Variants in NRG1 observed in about 807,000 individuals in gnomAD.
The protein encoded by NRG1 is neuregulin 1.
In NRG1, 18 loss-of-function variants were observed where a neutral mutation model predicts 63.8. The ratio of observed to expected loss-of-function variants is 0.28; its 90% CI spans 0.19 to 0.42. The LOEUF is 0.42. Among genes scored for constraint, NRG1 ranks in the 10% least tolerant of loss-of-function variants. The pLI is 1.00. For missense variants in NRG1, 762 were observed against 814.7 expected (o/e 0.94, Z 0.79); for synonymous variants, 302 against 301.3 (o/e 1.00, Z -0.02).
intron 4 of NRG1, 115 bp downstream of exon 4, chr8:32,614,679 T>C: frequency 1.1e-6 from 1 of 913,708 alleles, no homozygotes; most frequent in Non-Finnish European, 1.7e-6. Flanking sequence ...CTGCTCTTGT[T>C]TTCTGCTTCA....
intron 1 of NRG1, among the ~76,000 whole-genome samples, chr8:31,959,905 C>T (rs759663578): frequency 1.3e-3 from 197 of 151,620 alleles, no homozygotes; most frequent in African/African-American, 4.6e-3. Flanking sequence ...GTGATCCCTC[C>T]GCCTCAGCCT....
At chr8:31,710,455 T>C (rs926528545) in intron 1 of NRG1, among the ~76,000 whole-genome samples, 23 of 151,978 alleles carry the variant, frequency 1.5e-4, no homozygotes, top group Non-Finnish European at 3.4e-4. Flanking sequence ...TCTATTCTCA[T>C]AGCTTGAGAG....
intron 1 of NRG1, among the ~76,000 whole-genome samples, chr8:32,060,985 T>A (rs1030328279): frequency 5.3e-5 from 8 of 151,934 alleles, no homozygotes; most frequent in Non-Finnish European, 1.2e-4. Flanking sequence ...ATCTTCATCT[T>A]CATCCCAAAA....
chr8:32,601,384 G>A (rs1030555532), intron 2 of NRG1, among the ~76,000 whole-genome samples: 1 of 152,078 alleles, frequency 6.6e-6, no homozygotes, highest in Non-Finnish European at 1.5e-5. Context: ...AATGTGCTTG[G>A]CAGGTGGCTA....
At chr8:31,659,722 G>C (rs1805786559) in intron 1 of NRG1, among the ~76,000 whole-genome samples, 1 of 152,166 alleles carries the variant, frequency 6.6e-6, no homozygotes, top group African/African-American at 2.4e-5. Flanking sequence ...TCAGGGCTTT[G>C]GAAAGATTTC....
chr8:31,705,964 G>A (rs1332499679), intron 1 of NRG1, among the ~76,000 whole-genome samples: 7 of 152,172 alleles, frequency 4.6e-5, no homozygotes, highest in African/African-American at 1.4e-4. Context: ...GTTCACGTAC[G>A]TCTTAGAGGC....
intron 5 of NRG1, among the ~76,000 whole-genome samples, chr8:32,625,676 A>G (rs369982775): frequency 1.5e-4 from 23 of 152,258 alleles, no homozygotes; most frequent in African/African-American, 5.3e-4. Context: ...AGTGACACTT[A>G]AGGTCAAATA....
At chr8:32,548,368 C>A in exon 1 of NRG1, 5 of 1,027,456 alleles carry the variant, frequency 4.9e-6, no homozygotes, top group Non-Finnish European at 5.8e-6. Flanking sequence ...CGGCGGCTGC[C>A]GGACGATGGG....
At chr8:32,106,807 T>G (rs1186926059) in intron 1 of NRG1, among the ~76,000 whole-genome samples, 1 of 152,228 alleles carries the variant, frequency 6.6e-6, no homozygotes. Flanking sequence ...CAAAATCAAA[T>G]TAAGAATACT....
At chr8:32,023,320 A>G (rs1458084893) in intron 1 of NRG1, among the ~76,000 whole-genome samples, 1 of 152,242 alleles carries the variant, frequency 6.6e-6, no homozygotes, top group Non-Finnish European at 1.5e-5. Flanking sequence ...GTTTTCCTTT[A>G]AAATACAAAA....
At chr8:32,300,338 ATCT>A (rs1855443881) in intron 1 of NRG1, among the ~76,000 whole-genome samples, 1 of 152,234 alleles carries the variant, frequency 6.6e-6, no homozygotes, top group Non-Finnish European at 1.5e-5. Context: ...GCCAAATTTT[ATCT>A]TCTTAATTGT....
intron 6 of NRG1, among the ~76,000 whole-genome samples, chr8:32,730,086 C>T (rs540823268): frequency 2.9e-4 from 44 of 152,196 alleles, no homozygotes; most frequent in South Asian, 1.0e-3. Context: ...ATCTCTTTCA[C>T]GGAAATAAAT....
intron 1 of NRG1, among the ~76,000 whole-genome samples, chr8:31,762,360 GCAGAAGA>G (rs1817644731): frequency 6.6e-6 from 1 of 152,176 alleles, no homozygotes; most frequent in South Asian, 2.1e-4. Context: ...CCATGTACCT[GCAGAAGA>G]CATTATCTCA....
At chr8:31,842,353 T>C (rs993194448) in intron 1 of NRG1, among the ~76,000 whole-genome samples, 7 of 152,244 alleles carry the variant, frequency 4.6e-5, no homozygotes, top group Non-Finnish European at 7.3e-5. Context: ...CATGTACTTA[T>C]TACTTACTAA....
intron 1 of NRG1, among the ~76,000 whole-genome samples, chr8:32,068,302 G>A (rs1159374996): frequency 1.3e-5 from 2 of 152,194 alleles, no homozygotes; most frequent in African/African-American, 4.8e-5. Context: ...TGGGCAGGCT[G>A]AGGTGGGATT....
At chr8:31,863,925 T>C (rs1828708335) in intron 1 of NRG1, among the ~76,000 whole-genome samples, 1 of 152,238 alleles carries the variant, frequency 6.6e-6, no homozygotes, top group Non-Finnish European at 1.5e-5. Context: ...TGTAATTGGA[T>C]TGTAAATATC....
At chr8:32,002,017 T>G (rs1202934770) in intron 1 of NRG1, among the ~76,000 whole-genome samples, 1 of 152,022 alleles carries the variant, frequency 6.6e-6, no homozygotes, top group Admixed American at 6.6e-5. Context: ...AATATCTACA[T>G]AAATTAATTG....
At chr8:31,987,321 T>TGTGTGTGG (rs1810254860) in intron 1 of NRG1, among the ~76,000 whole-genome samples, 1 of 12,654 alleles carries the variant, frequency 7.9e-5, no homozygotes, top group African/African-American at 2.0e-4. Flanking sequence ...AACATATATA[T>TGTGTGTGG]GTGTGTGTGT....
chr8:32,651,867 A>G (rs1297454382), intron 5 of NRG1, among the ~76,000 whole-genome samples: 4 of 152,186 alleles, frequency 2.6e-5, no homozygotes, highest in African/African-American at 9.7e-5. Context: ...GATTTTAAAT[A>G]ACTTCTCCCC....
Sources: allele counts gnomAD v4.1 joint callset (sites outside exome capture counted in the v4.1 genomes callset), GRCh38; gene constraint gnomAD v4.1.1; transcripts MANE v1.5; gene names NCBI Gene and HGNC (gene_info 2026-07-23, HGNC 2026-07-21).